The following SIGLEC1 variants were observed in gnomAD, a reference collection of about 807,000 sequenced individuals.
SIGLEC1 encodes the protein sialoadhesin.
Under a neutral mutation model 148.0 loss-of-function variants are expected in SIGLEC1, and 132 were observed. The observed-to-expected ratio is 0.89, with a 90% CI of 0.77 to 1.03. SIGLEC1 has a LOEUF of 1.03. Among genes scored for constraint, SIGLEC1 ranks in the 50% least tolerant of loss-of-function variants. The probability of loss-of-function intolerance (pLI) is 0.00; values close to 1 mark genes in which losing one functional copy is unlikely to be tolerated. For missense variants in SIGLEC1, 2,253 were observed against 2,271.4 expected, an observed-to-expected ratio of 0.99 and a Z score of 0.16; for synonymous variants, 945 against 969.0, an observed-to-expected ratio of 0.98 and a Z score of 0.46.
At chr20:3,690,824 C>CTTTTTTT (rs200631809) in intron 18 of SIGLEC1, among the ~76,000 whole-genome samples, 19 of 126,864 alleles carry the variant, frequency 1.5e-4, no homozygotes, top group African/African-American at 3.3e-4. Context: ...CTCTTCTTTT[C>CTTTTTTT]TTTTCTTTTT....
chr20:3,692,397 G>T, intron 16 of SIGLEC1, 124 bp downstream of exon 16: 1 of 1,250,516 alleles, frequency 8.0e-7, no homozygotes, highest in Non-Finnish European at 1.1e-6. Flanking sequence ...TAGCACCTAT[G>T]TCCTCTTTCC....
intron 21 of SIGLEC1, 56 bp downstream of exon 21, chr20:3,689,099 G>T: frequency 6.9e-7 from 1 of 1,447,338 alleles, no homozygotes; most frequent in Non-Finnish European, 9.7e-7. Flanking sequence ...CCAGATGCCA[G>T]TTGGCACTGT....
In SIGLEC1 at chr20:3,699,298, C is replaced by A. The variant is rs756452334; in HGVS notation, c.1690G>T (p.Ala564Ser). The A allele has an allele frequency of 1.2e-6, 2 of 1,608,280 alleles. No homozygotes were observed. The highest frequency in any genetic ancestry group is 1.7e-6 in the Non-Finnish European group (2 of 1,178,214). The change falls in exon 8 of 22, where the codon GCG (alanine) becomes TCG (serine). Residue 564 changes from alanine to serine, a missense_variant. Transcript: ENST00000344754. ...GAGCCGGCGTCAGTGCTGGAGGCCG[C>A]GGGGAGCAGGAGGCTGCTGCCGGGA... ...EGPGSSLLLPAASSTDAGSYH... is the reference protein window; with the variant it reads ...EGPGSSLLLPSASSTDAGSYH...
chr20:3,696,809 G>A lies in SIGLEC1; in HGVS notation c.2460C>T (p.Asp820=), dbSNP rs2087805010. The A allele has an allele frequency of 2.5e-6, 4 of 1,610,408 alleles. No homozygotes were observed. Among genetic ancestry groups the A allele is most frequent in the Admixed American group, 1.7e-5 (1 of 59,874 alleles). The change falls in exon 11 of 22, where the codon GAC becomes GAT. Residue 820 remains aspartate (D), a synonymous_variant. Coordinates refer to ENST00000344754, the MANE Select transcript of SIGLEC1 (RefSeq NM_023068.4). ...GHMALFICTV[D]SRPLALLALF... Reference sequence around the variant, plus strand: ...AGGCCAGCAAGGCCAGGGGGCGGCTGTCCACAGTGCAGATGAACAGAGCCA... The same window carrying A: ...AGGCCAGCAAGGCCAGGGGGCGGCTATCCACAGTGCAGATGAACAGAGCCA...
intron 15 of SIGLEC1, 23 bp downstream of exon 15, chr20:3,692,839 G>A: frequency 6.2e-7 from 1 of 1,602,498 alleles, no homozygotes. Context: ...ATCCCAGTGG[G>A]CTTGGCCTAG....
At chr20:3,693,370 C>T (rs752517539) in intron 14 of SIGLEC1, 77 bp downstream of exon 14, 39 of 1,466,872 alleles carry the variant, frequency 2.7e-5, no homozygotes, top group East Asian at 1.8e-4. Flanking sequence ...GGACACCTGT[C>T]GGGTTCCGGC....
At chr20:3,702,161 A>G (rs1474840350) in intron 6 of SIGLEC1, among the ~76,000 whole-genome samples, 1 of 152,240 alleles carries the variant, frequency 6.6e-6, no homozygotes, top group Non-Finnish European at 1.5e-5. Flanking sequence ...AGACTAACGG[A>G]GAATGAAGAG....
chr20:3,694,301 A>C lies in SIGLEC1; in HGVS notation c.3176T>G (p.Leu1059Arg), dbSNP rs2088798756. ...ACAGATATAGACACCCTCATCCTCC[A>C]GCATAGCCCCGTGGATCTCCAGACG... Reference protein sequence around the residue: ...TLRLEIHGAMLEDEGVYICEA... With the variant: ...TLRLEIHGAMREDEGVYICEA... The change falls in exon 13 of 22, where the codon CTG (leucine) becomes CGG (arginine). Residue 1059 changes from leucine (L) to arginine (R), a missense_variant. Transcript: ENST00000344754. 1.2e-6 allele frequency: 2 copies of C among 1,612,882 alleles called. No individual in the cohort carries two copies. Among genetic ancestry groups the C allele is most frequent in the Non-Finnish European group, 1.7e-6 (2 of 1,180,000 alleles).
Position 3,707,834 on chromosome 20 carries a change from C to G in SIGLEC1, c.-109-597G>C, listed in dbSNP as rs570883036. Among the ~76,000 whole-genome samples, 4 of 152,368 alleles carry G rather than the reference C, an allele frequency of 2.6e-5. No individual in the cohort carries two copies. In the East Asian group the frequency reaches 7.7e-4, roughly 29 times the overall value. The stretch of plus-strand genomic sequence containing the variant: ...TTCTGTCTGCTCAAGGGCTCCCTAG[C>G]TGCCCAGCTCTATCTCCACCACAGA... On this transcript the variant is annotated intron_variant, in intron 1 of 21. Transcript: ENST00000344754.
chr20:3,701,711 C>T (rs371882690), intron 6 of SIGLEC1, 70 bp from the exon 7 acceptor site: 17 of 1,422,734 alleles, frequency 1.2e-5, no homozygotes, highest in Admixed American at 5.0e-5. Context: ...TGATACAACC[C>T]GTGACCTCTG....
intron 7 of SIGLEC1, among the ~76,000 whole-genome samples, 176 bp downstream of exon 7, chr20:3,701,166 C>CCTTGA (rs1358257542): frequency 1.3e-5 from 2 of 152,148 alleles, no homozygotes; most frequent in Non-Finnish European, 2.9e-5. Context: ...TCCCTTTTTC[C>CCTTGA]CTTGACTTCC....
chr20:3,690,097 T>C lies in SIGLEC1; in HGVS notation c.4759A>G (p.Ile1587Val). ...QPQGAPAEPH[I>V]HVLASPNALR... is the part of the protein sequence containing the mutation. Reference sequence around the variant, plus strand: ...GCATTGGGGGAAGCCAGGACATGGATGTGTGGCTCTGCAGGAGCACCCTGG... The same window carrying C: ...GCATTGGGGGAAGCCAGGACATGGACGTGTGGCTCTGCAGGAGCACCCTGG... Residue 1587 changes from isoleucine to valine, a missense_variant, in exon 19 of 22, where the codon ATC becomes GTC. Coordinates refer to ENST00000344754, the MANE Select transcript of SIGLEC1 (RefSeq NM_023068.4). 6.2e-7 allele frequency: 1 copy of C among 1,611,490 alleles called. No individual in the cohort carries two copies. Among genetic ancestry groups the C allele is most frequent in the Non-Finnish European group, 8.5e-7 (1 of 1,179,270 alleles).
rs769147105 is a variant in SIGLEC1 at position 3,706,597 on chromosome 20, G to A, written c.159C>T (p.Asp53=). Residue 53 remains aspartate (D), a synonymous_variant, in exon 3 of 22, where the codon GAC becomes GAT. Transcript: ENST00000344754. Reference sequence around the variant, plus strand: ...CGTAGTACCAGATGGCCGTGATGCCGTCGGGCACCTCCACGTCGGCAGGGA... The same window carrying A: ...CGTAGTACCAGATGGCCGTGATGCCATCGGGCACCTCCACGTCGGCAGGGA... ...FSFPADVEVP[D]GITAIWYYDY... 7.5e-6 allele frequency: 12 copies of A among 1,610,280 alleles called. No homozygotes were observed. The highest frequency in any genetic ancestry group is 1.7e-5 in the Admixed American group (1 of 59,524).
chr20:3,702,193 T>C (rs761083676), intron 6 of SIGLEC1, among the ~76,000 whole-genome samples: 1 of 152,168 alleles, frequency 6.6e-6, no homozygotes, highest in South Asian at 2.1e-4. Context: ...CAATGCAATA[T>C]GTGAACTGTG....
Position 3,697,160 on chromosome 20 carries a change from C to T in SIGLEC1, c.2305G>A (p.Ala769Thr). The stretch of plus-strand genomic sequence containing the variant: ...AGGATGCGGCAGGCGTAAAGGGCAG[C>T]ATCAGTTCTGGCCACGGGCAGCAGT... The part of the protein sequence containing the change: ...VTLLPVARTD[A>T]ALYACRILTE... The change falls in exon 10 of 22, where the codon GCT (alanine) becomes ACT (threonine). Residue 769 changes from alanine (A) to threonine (T), a missense_variant. By Grantham distance (58) the Ala-to-Thr change is moderately conservative (BLOSUM62 0). Coordinates refer to ENST00000344754, the MANE Select transcript of SIGLEC1 (RefSeq NM_023068.4). The T allele has an allele frequency of 1.9e-6, 3 of 1,613,788 alleles. No homozygotes were observed. The highest frequency in any genetic ancestry group is 1.6e-4 in the Middle Eastern group (1 of 6,062).
Position 3,696,574 on chromosome 20 carries a change from A to T in SIGLEC1, c.2683+12T>A, listed in dbSNP as rs1484439615. On this transcript the variant is annotated intron_variant, in intron 11 of 21. Transcript: ENST00000344754. ...TCAGAGTCTACCATATCTTCAGAAG[A>T]CTGACACTCACCTCGGACCTGGAAG... is the stretch of plus-strand genomic sequence containing the variant. 17 of 1,594,182 alleles carry T rather than the reference A, an allele frequency of 1.1e-5. No individual in the cohort carries two copies. The highest frequency in any genetic ancestry group is 1.4e-5 in the Non-Finnish European group (16 of 1,168,340).
In SIGLEC1 at chr20:3,698,860, C is replaced by T. The variant is rs572847078; in HGVS notation, c.1786+342G>A. 9.5e-4 allele frequency among the ~76,000 whole-genome samples: 144 copies of T among 152,318 alleles called. 1 individual carries two copies. The highest frequency in any genetic ancestry group is 4.3e-4 in the Non-Finnish European group (29 of 68,032). ...CTTTGCCTTGGTGTCTATGGGAGCC[C>T]AGCACAGCCTGTGGGGCATGTGCAC... On this transcript the variant is annotated intron_variant, in intron 8 of 21. Transcript: ENST00000344754.
chr20:3,699,286 T>A lies in SIGLEC1; in HGVS notation c.1702A>T (p.Thr568Ser). The A allele has an allele frequency of 7.5e-6, 12 of 1,609,100 alleles. No homozygotes were observed. Among genetic ancestry groups the A allele is most frequent in the Non-Finnish European group, 9.3e-6 (11 of 1,178,560 alleles). The change falls in exon 8 of 22, where the codon ACT becomes TCT. Residue 568 changes from threonine to serine, a missense_variant. Coordinates refer to ENST00000344754, the MANE Select transcript of SIGLEC1 (RefSeq NM_023068.4). ...SSLLLPAASS[T>S]DAGSYHCRAR... Reference sequence around the variant, plus strand: ...CGGCAGTGGTATGAGCCGGCGTCAGTGCTGGAGGCCGCGGGGAGCAGGAGG... The same window carrying A: ...CGGCAGTGGTATGAGCCGGCGTCAGAGCTGGAGGCCGCGGGGAGCAGGAGG...
At position 3,688,257 on chromosome 20, in the gene SIGLEC1, G is replaced by C. The variant is rs929512557; in HGVS notation, c.*303C>G. 17 of 407,804 alleles carry C rather than the reference G, an allele frequency of 4.2e-5. No individual in the cohort carries two copies. The highest frequency in any genetic ancestry group is 2.6e-4 in the South Asian group (12 of 46,560). 25.3% of individuals were successfully genotyped at this position (407,804 alleles called of 1,614,324 possible). On this transcript the variant is annotated 3_prime_UTR_variant, in exon 22 of 22. Transcript: ENST00000344754. ...CAGGGTGACTTTCGAGGAGAAGGAT[G>C]TGAAAGGGCAGGGCTTCCTTTGAGG...
Sources: gnomAD v4.1 joint callset for allele counts (sites outside exome capture counted in the v4.1 genomes callset) on GRCh38, gnomAD v4.1.1 for gene constraint, MANE v1.5 for transcripts, NCBI Gene and HGNC (gene_info 2026-07-23, HGNC 2026-07-21) for gene names.